The following RSPO4 variants were observed in gnomAD, a reference collection of about 807,000 sequenced individuals.
RSPO4 encodes R-spondin 4.
A neutral mutation model predicts 24.8 loss-of-function variants in RSPO4; 23 were observed. The observed-to-expected ratio is 0.93, with a 90% CI of 0.67 to 1.31. The LOEUF (loss-of-function observed/expected upper bound fraction) is 1.31, where lower values mean the gene tolerates loss of function less well. Among genes scored for constraint, RSPO4 ranks in the 40% most tolerant of loss-of-function variants. The probability of loss-of-function intolerance (pLI) is 0.00; values close to 1 mark genes in which losing one functional copy is unlikely to be tolerated. For synonymous variants in RSPO4, 141 were observed against 127.4 expected (o/e 1.11, Z -0.72); for missense variants, 333 against 316.5 (o/e 1.05, Z -0.39).
intron 1 of RSPO4, among the ~76,000 whole-genome samples, chr20:978,874 T>C (rs978307838): frequency 2.6e-4 from 40 of 151,976 alleles, no homozygotes; most frequent in African/African-American, 9.4e-4. Context: ...AAGGAGCAGA[T>C]GGCAAATCCC....
At chr20:968,327 G>T (rs1156582631) in intron 1 of RSPO4, among the ~76,000 whole-genome samples, 189 bp from the exon 2 acceptor site, 1 of 152,264 alleles carries the variant, frequency 6.6e-6, no homozygotes, top group African/African-American at 2.4e-5. Context: ...CCAATCAGAT[G>T]TAAGGTAAAG....
At chr20:1,001,986 G>T in intron 1 of RSPO4, 100 bp downstream of exon 1, 2 of 975,180 alleles carry the variant, frequency 2.1e-6, no homozygotes, top group Non-Finnish European at 1.6e-6. Flanking sequence ...AGGGCGCCAG[G>T]CACCAGGCAG....
intron 1 of RSPO4, among the ~76,000 whole-genome samples, chr20:982,516 A>T (rs1046049381): frequency 6.6e-6 from 1 of 152,178 alleles, no homozygotes; most frequent in Admixed American, 6.5e-5. Flanking sequence ...GCTGACAGGC[A>T]CTGTGCTTGG....
chr20:977,976 G>C (rs1984618389), intron 1 of RSPO4, among the ~76,000 whole-genome samples: 1 of 152,216 alleles, frequency 6.6e-6, no homozygotes, highest in African/African-American at 2.4e-5. Context: ...CGCCACTGCT[G>C]GAGGCTTGCT....
intron 1 of RSPO4, among the ~76,000 whole-genome samples, chr20:987,274 G>T (rs1415225024): frequency 2.0e-5 from 3 of 152,264 alleles, no homozygotes; most frequent in East Asian, 3.9e-4. Flanking sequence ...CCCTGCTCTG[G>T]GCCTGAGGAT....
chr20:969,815 C>T (rs1315939124), intron 1 of RSPO4, among the ~76,000 whole-genome samples: 1 of 152,060 alleles, frequency 6.6e-6, no homozygotes, highest in Non-Finnish European at 1.5e-5. Flanking sequence ...GATAGGGCAG[C>T]TTTTGAGAGG....
Position 970,231 on chromosome 20 carries a change from C to T in RSPO4, c.80-2093G>A, listed in dbSNP as rs540759550. ...GTGGAGGCAGGGCAGGCTCTCTGCC[C>T]AGCCCTGGCTGAGGCCTTTCTCTCT... On this transcript the variant is annotated intron_variant, in intron 1 of 4. Transcript: ENST00000217260. This position sits in a 1 kb window ranked among gnomAD's most constrained non-coding sequence, Gnocchi z 4.1. 1.2e-3 allele frequency among the ~76,000 whole-genome samples: 190 copies of T among 152,198 alleles called. No homozygotes were observed. The highest frequency in any genetic ancestry group is 6.1e-3 in the Admixed American group (94 of 15,292).
intron 3 of RSPO4, among the ~76,000 whole-genome samples, chr20:965,994 G>A (rs776192723): frequency 1.8e-4 from 28 of 152,196 alleles, no homozygotes; most frequent in South Asian, 6.2e-4. Flanking sequence ...TCTGCATCTC[G>A]CGCATGCCAC....
At chr20:999,506 G>T (rs890225117) in intron 1 of RSPO4, among the ~76,000 whole-genome samples, 3 of 152,196 alleles carry the variant, frequency 2.0e-5, no homozygotes, top group African/African-American at 7.2e-5. Context: ...ATGGGCGGGG[G>T]ACAGAGAAAA....
At chr20:962,139 C>T (rs543779567) in intron 4 of RSPO4, among the ~76,000 whole-genome samples, 19 of 152,282 alleles carry the variant, frequency 1.2e-4, no homozygotes, top group Admixed American at 4.6e-4. Flanking sequence ...AAGCCCTTGC[C>T]GTCACTGGAG....
At chr20:973,807 A>G (rs1984482701) in intron 1 of RSPO4, among the ~76,000 whole-genome samples, 2 of 151,624 alleles carry the variant, frequency 1.3e-5, no homozygotes, top group African/African-American at 4.9e-5. Flanking sequence ...GCATCCTTCA[A>G]TACCCTGGTC....
Position 969,701 on chromosome 20 carries a change from T to C in RSPO4, c.80-1563A>G, listed in dbSNP as rs138098989. Among the ~76,000 whole-genome samples the C allele has an allele frequency of 2.0e-3, 311 of 152,238 alleles. 2 individuals carry two copies. The highest frequency in any genetic ancestry group is 7.1e-3 in the African/African-American group (294 of 41,536). ...TGCTGCCTGGCACAAGAAGGCTGGT[T>C]GCTGGGAGGTGCCCCAGCAGTAAGA... On this transcript the variant is annotated intron_variant, in intron 1 of 4. Coordinates refer to ENST00000217260, the MANE Select transcript of RSPO4 (RefSeq NM_001029871.4).
rs1345601157 is a variant in RSPO4, at chr20:991,995, G to T, written c.79+10091C>A. 2.0e-5 allele frequency among the ~76,000 whole-genome samples: 3 copies of T among 151,744 alleles called. No homozygotes were observed. In the East Asian group the frequency reaches 5.8e-4, roughly 29 times the overall value. On this transcript the variant is annotated intron_variant, in intron 1 of 4. Transcript: ENST00000217260. ...GGCTCAAATGCCTGCAGGGAGGCGGGGGAAGTGAATGACGGGGGTGGTGTA... is the reference window on the plus strand; with the variant it reads ...GGCTCAAATGCCTGCAGGGAGGCGGTGGAAGTGAATGACGGGGGTGGTGTA...
At chr20:989,274 A>G (rs369522787) in intron 1 of RSPO4, among the ~76,000 whole-genome samples, 1 of 152,152 alleles carries the variant, frequency 6.6e-6, no homozygotes, top group South Asian at 2.1e-4. Context: ...CCCAGGTTTG[A>G]GTCCCAGCTC....
intron 1 of RSPO4, among the ~76,000 whole-genome samples, chr20:969,901 C>T (rs1466503690): frequency 1.3e-5 from 2 of 152,174 alleles, no homozygotes; most frequent in African/African-American, 2.4e-5. Flanking sequence ...TCCGGTTATA[C>T]ACCTTGATTC....
chr20:979,648 T>C (rs1984677778), intron 1 of RSPO4, among the ~76,000 whole-genome samples: 1 of 152,078 alleles, frequency 6.6e-6, no homozygotes, highest in South Asian at 2.1e-4. Context: ...AGCTTGGAGA[T>C]CTACCTATCT....
At chr20:999,881 G>C (rs1293575910) in intron 1 of RSPO4, among the ~76,000 whole-genome samples, 1 of 151,888 alleles carries the variant, frequency 6.6e-6, no homozygotes, top group African/African-American at 2.4e-5. Context: ...TGTTGTTGTT[G>C]TTGTTGAGAC....
intron 1 of RSPO4, among the ~76,000 whole-genome samples, chr20:994,816 A>C (rs886187298): frequency 3.9e-5 from 6 of 152,124 alleles, no homozygotes; most frequent in African/African-American, 1.2e-4. Context: ...TGCCTGCCTC[A>C]GCCTTCCAAA....
Position 998,551 on chromosome 20 carries a change from G to A in RSPO4, c.79+3535C>T, listed in dbSNP as rs572671498. ...CCGGAGCCTGAGGAAGGATGGGCCT[G>A]TGGGAACCAGGCCTCAAGCAGGCTC... is the stretch of plus-strand genomic sequence containing the variant. On this transcript the variant is annotated intron_variant, in intron 1 of 4. Transcript: ENST00000217260. 1.2e-4 allele frequency among the ~76,000 whole-genome samples: 19 copies of A among 152,320 alleles called. No individual in the cohort carries two copies. The South Asian group carries it at 3.9e-3, about 32-fold the overall frequency.
Sources: allele counts gnomAD v4.1 joint callset (sites outside exome capture counted in the v4.1 genomes callset), GRCh38; gene constraint gnomAD v4.1.1; non-coding constraint Gnocchi (gnomAD v3.1); transcripts MANE v1.5; gene names NCBI Gene and HGNC (gene_info 2026-07-23, HGNC 2026-07-21).